Variants in MPP4 observed in about 807,000 individuals in gnomAD.
MPP4 encodes the protein MAGUK p55 scaffold protein 4.
In MPP4, 91 loss-of-function variants were observed where a neutral mutation model predicts 98.3. That is an observed-to-expected ratio of 0.93 (90% CI 0.78 to 1.10). The LOEUF is 1.10. Among genes scored for constraint, MPP4 ranks in the 50% least tolerant of loss-of-function variants. MPP4 has a pLI of 0.00. For synonymous variants in MPP4, 261 were observed against 271.8 expected (o/e 0.96, Z 0.39); for missense variants, 744 against 792.9 (o/e 0.94, Z 0.74).
chr2:201,684,110 C>T (rs1343398674), intron 7 of MPP4, among the ~76,000 whole-genome samples: 2 of 151,556 alleles, frequency 1.3e-5, no homozygotes, highest in African/African-American at 2.4e-5. Flanking sequence ...GACCCAGCTA[C>T]TCGGGGGCTG....
At chr2:201,675,317 C>T in intron 10 of MPP4, 46 bp from the exon 11 acceptor site, 2 of 1,556,140 alleles carry the variant, frequency 1.3e-6, no homozygotes, top group South Asian at 1.2e-5. Context: ...ACAAAAACCA[C>T]TCTTTGTTAA....
intron 12 of MPP4, 56 bp downstream of exon 12, chr2:201,669,677 A>C: frequency 1.6e-6 from 2 of 1,279,864 alleles, no homozygotes; most frequent in Non-Finnish European, 2.1e-6. Context: ...TTAAACTACA[A>C]GAAATTTCTA....
chr2:201,647,557 G>A (rs1264943626), intron 21 of MPP4, 134 bp downstream of exon 21: 1 of 815,786 alleles, frequency 1.2e-6, no homozygotes, highest in Non-Finnish European at 1.9e-6. Flanking sequence ...CCATTTTATT[G>A]AGGGCCTTTT....
At position 201,654,829 on chromosome 2, in the gene MPP4, A is replaced by T; in HGVS notation, c.1381+8T>A. ...CACAAACCATTATGAAAGCAGAACT[A>T]AACATACGTGGCACAGCACTTTGAA... On this transcript the variant is annotated splice_region_variant and intron_variant, in intron 18 of 21. Transcript: ENST00000409474. 1.3e-6 allele frequency: 2 copies of T among 1,591,494 alleles called. No homozygotes were observed. The highest frequency in any genetic ancestry group is 1.7e-6 in the Non-Finnish European group (2 of 1,167,992).
chr2:201,668,748 C>T (rs73989534), intron 12 of MPP4, among the ~76,000 whole-genome samples: 4,063 of 152,238 alleles, frequency 0.027, 157 homozygotes, highest in African/African-American at 0.092. Context: ...CCCACCACTA[C>T]CGTACAGTTC....
intron 10 of MPP4, among the ~76,000 whole-genome samples, chr2:201,676,309 G>A (rs1688505235): frequency 6.6e-6 from 1 of 152,178 alleles, no homozygotes; most frequent in South Asian, 2.1e-4. Context: ...GCAATGTGGT[G>A]GAGGTTGAAC....
chr2:201,697,510 A>C (rs1291201133), intron 1 of MPP4, among the ~76,000 whole-genome samples: 1 of 152,202 alleles, frequency 6.6e-6, no homozygotes, highest in Non-Finnish European at 1.5e-5. Flanking sequence ...CTTCACCTGC[A>C]ACAGTGCTTG....
intron 18 of MPP4, among the ~76,000 whole-genome samples, chr2:201,654,408 G>A (rs1258866890): frequency 1.3e-5 from 2 of 152,124 alleles, no homozygotes; most frequent in East Asian, 3.9e-4. Context: ...CTAACTATTA[G>A]TTTGCCTGAA....
At position 201,645,126 on chromosome 2, in the gene MPP4, G is replaced by A; in HGVS notation, c.*84C>T. On this transcript the variant is annotated 3_prime_UTR_variant, in exon 22 of 22. Transcript: ENST00000409474. ...TTTAAAGTTGTACACATTAAAATGGGTCAAATACTGTTGTTTTAGATTGCA... is the reference window on the plus strand; with the variant it reads ...TTTAAAGTTGTACACATTAAAATGGATCAAATACTGTTGTTTTAGATTGCA... 2 of 1,223,636 alleles carry A rather than the reference G, an allele frequency of 1.6e-6. No individual in the cohort carries two copies. The highest frequency in any genetic ancestry group is 1.9e-5 in the South Asian group (1 of 52,272). The allele number at this position is 1,223,636 out of a possible 1,614,324, so 75.8% of individuals were successfully genotyped here. A position where few individuals can be genotyped will look rare whatever the true frequency, so the allele number is the denominator to read the frequency against.
intron 3 of MPP4, among the ~76,000 whole-genome samples, chr2:201,692,327 T>G (rs1689055451): frequency 6.6e-6 from 1 of 152,152 alleles, no homozygotes; most frequent in African/African-American, 2.4e-5. Flanking sequence ...ACGGATCACC[T>G]GAGGTCAGGA....
chr2:201,692,264 C>T lies in MPP4; in HGVS notation c.201+644G>A, dbSNP rs574968696. On this transcript the variant is annotated intron_variant, in intron 3 of 21. Transcript: ENST00000409474. ...TGATGATATTAAAAGGTAAGGCTAG[C>T]TGGGTGTGGTGGCTCATGCCTGTAA... is the stretch of plus-strand genomic sequence containing the variant. 2.0e-5 allele frequency among the ~76,000 whole-genome samples: 3 copies of T among 152,282 alleles called. No individual in the cohort carries two copies. In the East Asian group the frequency reaches 5.8e-4, roughly 29 times the overall value.
At chr2:201,690,920 G>T (rs1336653153) in intron 3 of MPP4, among the ~76,000 whole-genome samples, 4 of 152,212 alleles carry the variant, frequency 2.6e-5, no homozygotes, top group African/African-American at 9.7e-5. Context: ...ACCAAAGCCT[G>T]CCTAGCTCTG....
At chr2:201,677,251 A>G (rs1195395517) in intron 10 of MPP4, among the ~76,000 whole-genome samples, 1 of 152,050 alleles carries the variant, frequency 6.6e-6, no homozygotes, top group East Asian at 1.9e-4. Context: ...ACAAAATGCT[A>G]TCCTGTACAT....
intron 12 of MPP4, among the ~76,000 whole-genome samples, chr2:201,667,432 G>A (rs996251682): frequency 5.9e-5 from 9 of 152,140 alleles, no homozygotes; most frequent in Non-Finnish European, 1.3e-4. Flanking sequence ...ACCATTCGGG[G>A]GTTTGCCTTC....
In MPP4 at chr2:201,656,266, G is replaced by A; in HGVS notation, c.1232C>T (p.Ala411Val). 1 of 1,596,376 alleles carries A rather than the reference G, an allele frequency of 6.3e-7. No homozygotes were observed. Residue 411 changes from alanine to valine, a missense_variant, in exon 17 of 22, where the codon GCC becomes GTC. Transcript: ENST00000409474. ...CTGSCYSAVG[A>V]PYEEVVRYQR... Reference sequence around the variant, plus strand: ...GTACCTCACCACCTCCTCGTAAGGGGCACCCACTGCACTGTAGCAGCTGCC... The same window carrying A: ...GTACCTCACCACCTCCTCGTAAGGGACACCCACTGCACTGTAGCAGCTGCC...
At chr2:201,677,262 C>G (rs1016539206) in intron 10 of MPP4, among the ~76,000 whole-genome samples, 1 of 152,156 alleles carries the variant, frequency 6.6e-6, no homozygotes, top group Non-Finnish European at 1.5e-5. Flanking sequence ...TCCTGTACAT[C>G]TTCACATGTT....
chr2:201,649,942 C>G lies in MPP4; in HGVS notation c.1475+130G>C, dbSNP rs186359844. ...AGTTGGTGTGCTGTATATCGATGTA[C>G]ATTTCTTGCTTAACTCCTCAGAAAC... On this transcript the variant is annotated intron_variant, in intron 19 of 21. Coordinates refer to ENST00000409474, the MANE Select transcript of MPP4 (RefSeq NM_033066.3). 5.8e-5 allele frequency: 54 copies of G among 936,216 alleles called. No homozygotes were observed. The African/African-American group carries it at 7.7e-4, about 13-fold the overall frequency. The allele number at this position is 936,216 out of a possible 1,614,324, so 58.0% of individuals were successfully genotyped here. A position where few individuals can be genotyped will look rare whatever the true frequency, so the allele number is the denominator to read the frequency against.
At chr2:201,697,763 C>T (rs796329976) in intron 1 of MPP4, among the ~76,000 whole-genome samples, 3 of 152,234 alleles carry the variant, frequency 2.0e-5, no homozygotes, top group East Asian at 1.9e-4. Flanking sequence ...GGGGCAGAAG[C>T]GGATCTTAGA....
rs1479765263 is a variant in MPP4 at position 201,680,858 on chromosome 2, A to C, written c.909T>G (p.Pro303=). 6.2e-7 allele frequency: 1 copy of C among 1,613,042 alleles called. No homozygotes were observed. Among genetic ancestry groups the C allele is most frequent in the Admixed American group, 1.7e-5 (1 of 59,904 alleles). ...CTTACCTCTTCAGAAGGTGGTTAGAAGGGACAAGCCCAGCGCAGGTAGCAG... is the reference window on the plus strand; with the variant it reads ...CTTACCTCTTCAGAAGGTGGTTAGACGGGACAAGCCCAGCGCAGGTAGCAG... ...SDPATCAGLV[P]SNHLLKRKQR... is the part of the protein sequence containing the mutation. Residue 303 remains proline, a synonymous_variant, in exon 10 of 22, where the codon CCT becomes CCG. Coordinates refer to ENST00000409474, the MANE Select transcript of MPP4 (RefSeq NM_033066.3).
Sources: gnomAD v4.1 joint callset for allele counts (sites outside exome capture counted in the v4.1 genomes callset) on GRCh38, gnomAD v4.1.1 for gene constraint, MANE v1.5 for transcripts, NCBI Gene and HGNC (gene_info 2026-07-23, HGNC 2026-07-21) for gene names.